Variants in SLC4A4 observed in about 807,000 individuals in gnomAD.
The protein encoded by SLC4A4 is solute carrier family 4 member 4, also known as electrogenic sodium bicarbonate cotransporter 1.
In SLC4A4, 27 loss-of-function variants were observed where a neutral mutation model predicts 111.5. The observed-to-expected ratio is 0.24, with a 90% CI of 0.18 to 0.33. SLC4A4 has a LOEUF of 0.33. Among genes scored for constraint, SLC4A4 ranks in the 10% least tolerant of loss-of-function variants. The pLI, the probability that SLC4A4 is intolerant of heterozygous loss-of-function variation, is 1.00. For missense variants in SLC4A4, 909 were observed against 1,315.5 expected (o/e 0.69, Z 4.78); for synonymous variants, 443 against 463.4 (o/e 0.96, Z 0.57).
intron 1 of SLC4A4, among the ~76,000 whole-genome samples, chr4:71,085,430 T>C (rs1405039225): frequency 6.6e-6 from 1 of 152,098 alleles, no homozygotes; most frequent in Non-Finnish European, 1.5e-5. Flanking sequence ...TTTGTCAATG[T>C]TGGCTTTTGT....
At chr4:71,310,078 A>T (rs556706565) in intron 3 of SLC4A4, among the ~76,000 whole-genome samples, 11 of 151,958 alleles carry the variant, frequency 7.2e-5, no homozygotes, top group Non-Finnish European at 1.5e-4. Context: ...AGAAGAAAGG[A>T]TATCAGAGAT....
chr4:71,287,946 T>C (rs1016273733), intron 3 of SLC4A4, among the ~76,000 whole-genome samples: 4 of 152,190 alleles, frequency 2.6e-5, no homozygotes, highest in African/African-American at 9.7e-5. Context: ...TATCATCTAC[T>C]ACTGATGGTG....
chr4:71,466,500 T>C lies in SLC4A4; in HGVS notation c.1554T>C (p.Phe518=), dbSNP rs760679955. Residue 518 remains phenylalanine (F), a synonymous_variant, in exon 13 of 26, where the codon TTT becomes TTC. Coordinates refer to ENST00000264485, the MANE Select transcript of SLC4A4 (RefSeq NM_001098484.3). ...TAVSGAIFCL[F]AGQPLTILSS... ...TCTCTGGAGCCATCTTTTGCCTTTT[T>C]GCTGGTCAACCACTCACTATTCTGA... 6.2e-7 allele frequency: 1 copy of C among 1,613,756 alleles called. No homozygotes were observed. The highest frequency in any genetic ancestry group is 8.5e-7 in the Non-Finnish European group (1 of 1,179,734).
chr4:71,433,931 T>A (rs2149045465), intron 7 of SLC4A4, among the ~76,000 whole-genome samples: 1 of 152,204 alleles, frequency 6.6e-6, no homozygotes, highest in South Asian at 2.1e-4. Flanking sequence ...GCTACTTTCA[T>A]CAGTGTGGAT....
chr4:71,122,322 A>C (rs1178538851), intron 2 of SLC4A4, among the ~76,000 whole-genome samples: 1 of 151,838 alleles, frequency 6.6e-6, no homozygotes, highest in Non-Finnish European at 1.5e-5. Flanking sequence ...TCAAAAAAAA[A>C]AAAAAAAAAA....
At chr4:71,205,349 G>A (rs962901701) in intron 1 of SLC4A4, among the ~76,000 whole-genome samples, 1 of 152,104 alleles carries the variant, frequency 6.6e-6, no homozygotes, top group Non-Finnish European at 1.5e-5. Context: ...CTTTGCATAC[G>A]ATTAACATCT....
At chr4:71,375,496 C>T (rs762188887) in intron 6 of SLC4A4, among the ~76,000 whole-genome samples, 37 of 152,294 alleles carry the variant, frequency 2.4e-4, no homozygotes, top group Non-Finnish European at 4.7e-4. Flanking sequence ...TCTTGACCAT[C>T]CTTCAAGGCC....
At chr4:71,513,564 C>G (rs77620165) in intron 16 of SLC4A4, among the ~76,000 whole-genome samples, 1 of 152,008 alleles carries the variant, frequency 6.6e-6, no homozygotes, top group African/African-American at 2.4e-5. Flanking sequence ...AAGACTGTAT[C>G]GTCAGCAAAG....
intron 1 of SLC4A4, among the ~76,000 whole-genome samples, chr4:71,203,896 A>T (rs1052651018): frequency 6.7e-6 from 1 of 149,282 alleles, no homozygotes; most frequent in African/African-American, 2.5e-5. Flanking sequence ...AAAGTTTTAC[A>T]TGTGACATGT....
At chr4:71,378,373 CT>C (rs1717742617) in intron 6 of SLC4A4, among the ~76,000 whole-genome samples, 1 of 152,182 alleles carries the variant, frequency 6.6e-6, no homozygotes, top group Non-Finnish European at 1.5e-5. Context: ...AGAAAATCTC[CT>C]GCATACTCTT....
rs1041064148 is a variant in SLC4A4, at chr4:71,255,237, A to G, written c.91A>G (p.Ile31Val). Residue 31 changes from isoleucine to valine, a missense_variant, in exon 3 of 26, where the codon ATC (isoleucine) becomes GTC (valine). Physicochemically the swap from Ile to Val is conservative, Grantham distance 29 (BLOSUM62 3). This residue lies in a region of SLC4A4 where 117 missense variants were observed against 154.2 expected (regional missense o/e 0.76). Transcript: ENST00000264485. ...EEVEGHHTIY[I>V]GVHVPKSYRR... ...TTCCTTAGGCCACCATACCATTTACATCGGAGTCCATGTGCCGAAGAGTTA... is the reference window on the plus strand; with the variant it reads ...TTCCTTAGGCCACCATACCATTTACGTCGGAGTCCATGTGCCGAAGAGTTA... 4 of 1,613,242 alleles carry G rather than the reference A, an allele frequency of 2.5e-6. No homozygotes were observed. Among genetic ancestry groups the G allele is most frequent in the Admixed American group, 1.7e-5 (1 of 59,974 alleles).
At chr4:71,474,768 A>T (rs954703824) in intron 14 of SLC4A4, among the ~76,000 whole-genome samples, 1 of 151,930 alleles carries the variant, frequency 6.6e-6, no homozygotes, top group Non-Finnish European at 1.5e-5. Context: ...TAAGAATGCC[A>T]TATAGTTATG....
intron 1 of SLC4A4, among the ~76,000 whole-genome samples, chr4:71,223,858 C>T (rs149160429): frequency 0.014 from 2,205 of 152,130 alleles, 15 homozygotes; most frequent in Non-Finnish European, 0.023. Context: ...GCTTCTGTTC[C>T]CTTCCGAACT....
intron 1 of SLC4A4, among the ~76,000 whole-genome samples, chr4:71,088,132 T>C (rs1221831295): frequency 2.0e-5 from 3 of 152,058 alleles, no homozygotes; most frequent in Non-Finnish European, 4.4e-5. Flanking sequence ...GCTTTTCTTG[T>C]TGAATTGATC....
At chr4:71,141,716 A>G (rs1311271897) in intron 2 of SLC4A4, among the ~76,000 whole-genome samples, 1 of 152,212 alleles carries the variant, frequency 6.6e-6, no homozygotes, top group African/African-American at 2.4e-5. Flanking sequence ...TGCCTTGCTT[A>G]TTAGTATTCC....
intron 3 of SLC4A4, among the ~76,000 whole-genome samples, chr4:71,328,410 A>G (rs766041783): frequency 2.6e-5 from 4 of 151,656 alleles, no homozygotes; most frequent in Non-Finnish European, 5.9e-5. Flanking sequence ...CTTCCACGCT[A>G]TTCTCCATAG....
intron 3 of SLC4A4, among the ~76,000 whole-genome samples, chr4:71,261,125 G>A (rs1328487012): frequency 1.3e-5 from 2 of 152,172 alleles, no homozygotes; most frequent in African/African-American, 2.4e-5. Flanking sequence ...TTTGAGAGAA[G>A]CAACCTAAAT....
chr4:71,313,584 A>T (rs1322870755), intron 3 of SLC4A4, among the ~76,000 whole-genome samples: 1 of 152,180 alleles, frequency 6.6e-6, no homozygotes, highest in African/African-American at 2.4e-5. Context: ...ATATAGACCA[A>T]TGGAACAGAA....
At chr4:71,558,353 A>C (rs957220562) in intron 22 of SLC4A4, among the ~76,000 whole-genome samples, 5 of 151,984 alleles carry the variant, frequency 3.3e-5, no homozygotes, top group African/African-American at 1.2e-4. Context: ...CATCCAGTAC[A>C]TTAGAGGAAA....
Sources: gnomAD v4.1 joint callset for allele counts (sites outside exome capture counted in the v4.1 genomes callset) on GRCh38, gnomAD v4.1.1 for gene constraint, gnomAD v4.1.1 regional missense constraint, MANE v1.5 for transcripts, NCBI Gene and HGNC (gene_info 2026-07-23, HGNC 2026-07-21) for gene names.